The following TSPAN15 variants were observed in gnomAD, a reference collection of about 807,000 sequenced individuals.
TSPAN15 encodes tetraspanin 15, also known as tetraspanin-15.
TSPAN15 carries 20 observed loss-of-function variants against 34.5 expected under a neutral mutation model. The ratio of observed to expected loss-of-function variants is 0.58; its 90% confidence interval spans 0.41 to 0.84. The LOEUF (loss-of-function observed/expected upper bound fraction) is 0.84, where lower values mean the gene tolerates loss of function less well. Ranked by LOEUF, TSPAN15 falls within the 40% of genes least tolerant of loss-of-function variation. The pLI is 0.00. For missense variants in TSPAN15, 313 were observed against 386.1 expected (o/e 0.81, Z 1.59); for synonymous variants, 155 against 153.9 (o/e 1.01, Z -0.05).
the TSPAN15 span, among the ~76,000 whole-genome samples, chr10:69,544,892 C>T: frequency 3.1e-4 from 47 of 152,322 alleles, no homozygotes; most frequent in African/African-American, 7.0e-4. Flanking sequence ...CAGAGCAAAT[C>T]GGCCTTCAAA....
At position 69,506,015 on chromosome 10, in the gene TSPAN15, C is replaced by A; in HGVS notation, c.619-109C>A. 1 of 811,604 alleles carries A rather than the reference C, an allele frequency of 1.2e-6. No individual in the cohort carries two copies. The highest frequency in any genetic ancestry group is 2.0e-6 in the Non-Finnish European group (1 of 494,286). 50.3% of individuals were successfully genotyped at this position (811,604 alleles called of 1,614,324 possible). On this transcript the variant is annotated intron_variant, in intron 6 of 7. Transcript: ENST00000373290. This position sits in a 1 kb window ranked among gnomAD's most constrained non-coding sequence, Gnocchi z 4.7. Reference sequence around the variant, plus strand: ...ATGCTGCATATGGGAAACTGAGGATCACAGCGGTTGAGGGACTAGCCTGGA... The same window carrying A: ...ATGCTGCATATGGGAAACTGAGGATAACAGCGGTTGAGGGACTAGCCTGGA...
downstream of TSPAN15, among the ~76,000 whole-genome samples, chr10:69,509,936 A>G (rs1487327353): frequency 2.0e-5 from 3 of 152,120 alleles, no homozygotes; most frequent in Non-Finnish European, 4.4e-5. Context: ...CTATTGGTCT[A>G]TATATCTGTT....
At chr10:69,460,495 A>T (rs1841228319) in intron 1 of TSPAN15, among the ~76,000 whole-genome samples, 2 of 151,664 alleles carry the variant, frequency 1.3e-5, no homozygotes, top group African/African-American at 4.8e-5. Flanking sequence ...GCCTCTGGCG[A>T]TGTGCCATGT....
intron 1 of TSPAN15, among the ~76,000 whole-genome samples, chr10:69,479,214 C>A (rs1035995054): frequency 6.6e-6 from 1 of 152,190 alleles, no homozygotes; most frequent in Admixed American, 6.5e-5. Flanking sequence ...TGCAGATTTG[C>A]CCCAGCTGTG....
the TSPAN15 span, among the ~76,000 whole-genome samples, chr10:69,546,967 A>C: frequency 4.6e-5 from 7 of 152,148 alleles, no homozygotes; most frequent in African/African-American, 1.4e-4. Context: ...AACATGGTGA[A>C]ACCTCATTAA....
the TSPAN15 span, among the ~76,000 whole-genome samples, chr10:69,526,665 C>A: frequency 6.8e-6 from 1 of 146,904 alleles, no homozygotes; most frequent in African/African-American, 2.5e-5. Context: ...TGGTGCATGC[C>A]TGTAGTCCCA....
intron 1 of TSPAN15, among the ~76,000 whole-genome samples, chr10:69,467,637 AACACACACACACACAC>A (rs36028041): frequency 2.0e-4 from 16 of 78,106 alleles, no homozygotes; most frequent in Non-Finnish European, 5.0e-4. Flanking sequence ...AAAACAAAAC[AACACACACACACACAC>A]ACACACACAC....
At chr10:69,544,730 A>G in the TSPAN15 span, among the ~76,000 whole-genome samples, 2 of 152,148 alleles carry the variant, frequency 1.3e-5, no homozygotes, top group African/African-American at 2.4e-5. Context: ...GGAGTCCCAG[A>G]AAGTGTGAGA....
At chr10:69,457,088 C>T (rs1225721316) in intron 1 of TSPAN15, among the ~76,000 whole-genome samples, 2 of 152,222 alleles carry the variant, frequency 1.3e-5, no homozygotes, top group Non-Finnish European at 2.9e-5. Flanking sequence ...GCGCCCTCAG[C>T]CCATTGGGGA....
Position 69,451,645 on chromosome 10 carries a change from C to A in TSPAN15, c.51C>A (p.Tyr17Ter). Reference protein sequence around the residue: ...EQVRYCARFSYLWLKFSLIIY... With the variant: ...EQVRYCARFS Reference sequence around the variant, plus strand: ...TGCGCTACTGCGCGCGCTTCTCCTACCTCTGGCTCAAGTTTTCACTTATCA... The same window carrying A: ...TGCGCTACTGCGCGCGCTTCTCCTAACTCTGGCTCAAGTTTTCACTTATCA... Residue 17 changes from tyrosine (Y) to a stop codon, truncating the protein, a stop_gained, in exon 1 of 8, where the codon TAC becomes TAA. Coordinates refer to ENST00000373290, the MANE Select transcript of TSPAN15 (RefSeq NM_012339.5). LOFTEE classifies it high-confidence loss of function. The A allele has an allele frequency of 6.5e-7, 1 of 1,547,230 alleles. No homozygotes were observed.
At chr10:69,526,728 T>G in the TSPAN15 span, among the ~76,000 whole-genome samples, 1 of 133,064 alleles carries the variant, frequency 7.5e-6, no homozygotes, top group Non-Finnish European at 1.5e-5. Flanking sequence ...AGGTTGAGGC[T>G]GCTATGAGCC....
At chr10:69,475,563 A>C (rs1468938597) in intron 1 of TSPAN15, among the ~76,000 whole-genome samples, 1 of 152,076 alleles carries the variant, frequency 6.6e-6, no homozygotes, top group Non-Finnish European at 1.5e-5. Flanking sequence ...CCTGTGCTTC[A>C]TTTGTGGTTG....
chr10:69,518,456 GCT>G, the TSPAN15 span, among the ~76,000 whole-genome samples: 1 of 152,234 alleles, frequency 6.6e-6, no homozygotes, highest in East Asian at 1.9e-4. Flanking sequence ...ACAGAATCTC[GCT>G]CTGTCACTAA....
At position 69,495,466 on chromosome 10, in the gene TSPAN15, T is replaced by G. The variant is rs562905309; in HGVS notation, c.358-128T>G. 131 of 662,650 alleles carry G rather than the reference T, an allele frequency of 2.0e-4. No homozygotes were observed. In the Middle Eastern group the frequency reaches 2.6e-3, roughly 13 times the overall value. 41.0% of individuals were successfully genotyped at this position (662,650 alleles called of 1,614,324 possible). ...ATCCAGGGTGGGGAGTGGAGGGGGC[T>G]CCATGCTGGCTGGGCGCGAGCTGCA... On this transcript the variant is annotated intron_variant, in intron 3 of 7. Coordinates refer to ENST00000373290, the MANE Select transcript of TSPAN15 (RefSeq NM_012339.5).
At chr10:69,520,322 C>G in the TSPAN15 span, among the ~76,000 whole-genome samples, 1 of 152,180 alleles carries the variant, frequency 6.6e-6, no homozygotes, top group Admixed American at 6.6e-5. Flanking sequence ...TCAAGATTCA[C>G]CCATGTTATA....
At chr10:69,525,253 TTTAAAA>T in the TSPAN15 span, among the ~76,000 whole-genome samples, 129 of 147,952 alleles carry the variant, frequency 8.7e-4, 7 homozygotes, top group African/African-American at 3.1e-3. Context: ...AAATGTGAAA[TTTAAAA>T]TTATCAACAA....
intron 1 of TSPAN15, among the ~76,000 whole-genome samples, chr10:69,455,903 C>T (rs1250353481): frequency 1.3e-5 from 2 of 152,010 alleles, no homozygotes; most frequent in Admixed American, 6.6e-5. Context: ...GCAGATACCC[C>T]TCAAACCCTC....
chr10:69,453,185 T>G (rs191715674), intron 1 of TSPAN15, among the ~76,000 whole-genome samples: 2 of 152,032 alleles, frequency 1.3e-5, no homozygotes, highest in African/African-American at 2.4e-5. Context: ...TGGTGGAAGC[T>G]CTAGGGAGAC....
intron 1 of TSPAN15, among the ~76,000 whole-genome samples, chr10:69,473,263 G>A (rs576453853): frequency 6.6e-6 from 1 of 152,282 alleles, no homozygotes; most frequent in East Asian, 1.9e-4. Flanking sequence ...GGGCTCAAGC[G>A]ATGGGAGGAG....
Sources: allele counts gnomAD v4.1 joint callset (sites outside exome capture counted in the v4.1 genomes callset), GRCh38; gene constraint gnomAD v4.1.1; non-coding constraint Gnocchi (gnomAD v3.1); transcripts MANE v1.5; gene names NCBI Gene and HGNC (gene_info 2026-07-23, HGNC 2026-07-21).